The following KBTBD11 variants were observed in gnomAD, a reference collection of about 807,000 sequenced individuals.
KBTBD11 encodes kelch repeat and BTB domain-containing protein 11.
For synonymous variants in KBTBD11, 747 were observed against 499.0 expected (o/e 1.50, Z -6.63); for missense variants, 1,390 against 1,001.8 (o/e 1.39, Z -5.23).
chr8:1,983,763 T>C (rs985505449), intron 1 of KBTBD11, among the ~76,000 whole-genome samples: 1 of 152,240 alleles, frequency 6.6e-6, no homozygotes, highest in African/African-American at 2.4e-5. Flanking sequence ...CCCAATTAAT[T>C]TGGAGACTGC....
rs1346465740 is a variant in KBTBD11, at chr8:1,973,915, C to G, written c.-929C>G. 1 of 982,584 alleles carries G rather than the reference C, an allele frequency of 1.0e-6. No homozygotes were observed. Among genetic ancestry groups the G allele is most frequent in the Non-Finnish European group, 1.2e-6 (1 of 828,710 alleles). The allele number at this position is 982,584 out of a possible 1,614,324, so 60.9% of individuals were successfully genotyped here. A position where few individuals can be genotyped will look rare whatever the true frequency, so the allele number is the denominator to read the frequency against. On this transcript the variant is annotated 5_prime_UTR_variant, in exon 1 of 2. Transcript: ENST00000320248. ...TGGCTGCGCGTCCCGGGCCCGGCGG[C>G]TGAAGAGGAGCCGCGGCGAGGTAGG...
chr8:1,979,379 C>T (rs1267383319), intron 1 of KBTBD11, among the ~76,000 whole-genome samples: 1 of 152,222 alleles, frequency 6.6e-6, no homozygotes, highest in African/African-American at 2.4e-5. Flanking sequence ...CCTGTAATCC[C>T]AGCACTTTGG....
At chr8:1,981,430 A>C (rs7387163) in intron 1 of KBTBD11, among the ~76,000 whole-genome samples, 121,838 of 152,182 alleles carry the variant, frequency 0.8, 49,057 homozygotes, top group African/African-American at 0.88. Flanking sequence ...TAAATTAACT[A>C]CATCTTCAGT....
At position 2,002,006 on chromosome 8, in the gene KBTBD11, G is replaced by T. The variant is rs1397928556; in HGVS notation, c.814G>T (p.Val272Leu). Residue 272 changes from valine to leucine, a missense_variant, in exon 2 of 2, where the codon GTG (valine) becomes TTG (leucine). Val to Leu is a conservative substitution (Grantham distance 32, BLOSUM62 1). Transcript: ENST00000320248. The surrounding 1 kb of genome is among the most constrained non-coding windows in gnomAD (Gnocchi z 4.1). Reference protein sequence around the residue: ...HYLEVLREPAVFGRLSGAERD... With the variant: ...HYLEVLREPALFGRLSGAERD... ...TCTGGAGGTGCTGCGCGAGCCCGCC[G>T]TGTTCGGCCGCCTGTCGGGCGCAGA... 4 of 1,418,776 alleles carry T rather than the reference G, an allele frequency of 2.8e-6. No homozygotes were observed. In the Admixed American group the frequency reaches 6.5e-5, roughly 23 times the overall value. The allele number at this position is 1,418,776 out of a possible 1,614,324, so 87.9% of individuals were successfully genotyped here.
At chr8:1,987,725 T>TTA (rs1816751706) in intron 1 of KBTBD11, among the ~76,000 whole-genome samples, 1 of 149,252 alleles carries the variant, frequency 6.7e-6, no homozygotes, top group African/African-American at 2.5e-5. Context: ...TTTTGGAGCC[T>TTA]TTATTATTAT....
At chr8:1,977,479 C>T (rs1053325293) in intron 1 of KBTBD11, among the ~76,000 whole-genome samples, 1 of 152,080 alleles carries the variant, frequency 6.6e-6, no homozygotes, top group Admixed American at 6.6e-5. Context: ...TGCACATCCT[C>T]TCTTTGAACA....
intron 1 of KBTBD11, chr8:1,974,289 C>A (rs369667316): frequency 3.0e-6 from 3 of 983,800 alleles, no homozygotes; most frequent in Admixed American, 6.2e-5. Flanking sequence ...ACGCGGCAAC[C>A]CCGGCCGGAA....
Position 2,002,223 on chromosome 8 carries a change from C to T in KBTBD11, c.1031C>T (p.Pro344Leu). The part of the protein sequence containing the change: ...AGEWRELTRL[P>L]EGAPARGCGL... ...GAGTGGCGCGAGCTGACGCGGCTGC[C>T]CGAGGGCGCGCCGGCGCGGGGCTGC... The change falls in exon 2 of 2, where the codon CCC (proline) becomes CTC (leucine). Residue 344 changes from proline (P) to leucine (L), a missense_variant. Pro to Leu is a moderately conservative substitution (Grantham distance 98, BLOSUM62 -3). Transcript: ENST00000320248. This position sits in a 1 kb window ranked among gnomAD's most constrained non-coding sequence, Gnocchi z 4.1. 3 of 1,268,826 alleles carry T rather than the reference C, an allele frequency of 2.4e-6. No individual in the cohort carries two copies. The highest frequency in any genetic ancestry group is 5.1e-5 in the South Asian group (2 of 39,068). 78.6% of individuals were successfully genotyped at this position (1,268,826 alleles called of 1,614,324 possible).
chr8:2,003,230 C>A lies in KBTBD11; in HGVS notation c.*166C>A. ...CGCTCTCAGGGCCGCTTTCGCTTTGCTTTCCTTTTGCTTGTCTTTGCTTCT... is the reference window on the plus strand; with the variant it reads ...CGCTCTCAGGGCCGCTTTCGCTTTGATTTCCTTTTGCTTGTCTTTGCTTCT... On this transcript the variant is annotated 3_prime_UTR_variant, in exon 2 of 2. Transcript: ENST00000320248. 8.9e-7 allele frequency: 1 copy of A among 1,124,516 alleles called. No individual in the cohort carries two copies. Among genetic ancestry groups the A allele is most frequent in the Non-Finnish European group, 1.1e-6 (1 of 878,464 alleles). The allele number at this position is 1,124,516 out of a possible 1,614,324, so 69.7% of individuals were successfully genotyped here. A position where few individuals can be genotyped will look rare whatever the true frequency, so the allele number is the denominator to read the frequency against.
In KBTBD11 at chr8:1,973,782, CTGCGGGTCGGA is replaced by C; in HGVS notation, c.-1061_-1051del. ...CGCCCCCTCTGCCGCCCACGCCCCGCTGCGGGTCGGAGGAGCAGCTCCCGCTCGCAGGTGCT... is the reference window on the plus strand; with the variant it reads ...CGCCCCCTCTGCCGCCCACGCCCCGCGGAGCAGCTCCCGCTCGCAGGTGCT... On this transcript the variant is annotated 5_prime_UTR_variant, in exon 1 of 2. Coordinates refer to ENST00000320248, the MANE Select transcript of KBTBD11 (RefSeq NM_014867.3). 1 of 983,808 alleles carries C rather than the reference CTGCGGGTCGGA, an allele frequency of 1.0e-6. No individual in the cohort carries two copies. Among genetic ancestry groups the C allele is most frequent in the Non-Finnish European group, 1.2e-6 (1 of 829,352 alleles). 60.9% of individuals were successfully genotyped at this position (983,808 alleles called of 1,614,324 possible).
Position 2,003,893 on chromosome 8 carries a change from T to C in KBTBD11, c.*829T>C, listed in dbSNP as rs542011425. On this transcript the variant is annotated 3_prime_UTR_variant, in exon 2 of 2. Transcript: ENST00000320248. ...AAACTTACCAGGGTGCTTGTCTATC[T>C]AAAAAGCAATCTTTGATAGTCCACT... is the stretch of plus-strand genomic sequence containing the variant. 6 of 167,080 alleles carry C rather than the reference T, an allele frequency of 3.6e-5. No homozygotes were observed. Among genetic ancestry groups the C allele is most frequent in the African/African-American group, 1.4e-4 (6 of 41,592 alleles). 10.3% of individuals were successfully genotyped at this position (167,080 alleles called of 1,614,324 possible). A position where few individuals can be genotyped will look rare whatever the true frequency, so the allele number is the denominator to read the frequency against.
In KBTBD11 at chr8:1,989,900, A is replaced by C. The variant is rs371943163; in HGVS notation, c.-908-10385A>C. Among the ~76,000 whole-genome samples, 5 of 147,784 alleles carry C rather than the reference A, an allele frequency of 3.4e-5. No homozygotes were observed. The East Asian group carries it at 9.8e-4, about 29-fold the overall frequency. On this transcript the variant is annotated intron_variant, in intron 1 of 1. Coordinates refer to ENST00000320248, the MANE Select transcript of KBTBD11 (RefSeq NM_014867.3). ...ATTTGTGAGGGCCAGCTCACTAGGGAACAGATAACGATGTCTCAGGTGGTT... is the reference window on the plus strand; with the variant it reads ...ATTTGTGAGGGCCAGCTCACTAGGGCACAGATAACGATGTCTCAGGTGGTT...
chr8:1,991,998 G>T (rs1816936856), intron 1 of KBTBD11, among the ~76,000 whole-genome samples: 3 of 152,108 alleles, frequency 2.0e-5, no homozygotes, highest in Non-Finnish European at 4.4e-5. Flanking sequence ...GCCAGAGATG[G>T]GAGGTCATCT....
In KBTBD11 at chr8:2,001,641, G is replaced by A; in HGVS notation, c.449G>A (p.Arg150Gln). The change falls in exon 2 of 2, where the codon CGG becomes CAG. Residue 150 changes from arginine (R) to glutamine (Q), a missense_variant. Coordinates refer to ENST00000320248, the MANE Select transcript of KBTBD11 (RefSeq NM_014867.3). Reference sequence around the variant, plus strand: ...CTGGTGCTGGAGGTGTCGGGGCGCCGGCTGCGCGCGCACAAGGCGGTGCTG... The same window carrying A: ...CTGGTGCTGGAGGTGTCGGGGCGCCAGCTGCGCGCGCACAAGGCGGTGCTG... ...PDLVLEVSGR[R>Q]LRAHKAVLAA... 2.0e-6 allele frequency: 3 copies of A among 1,478,850 alleles called. No individual in the cohort carries two copies. The highest frequency in any genetic ancestry group is 2.7e-6 in the Non-Finnish European group (3 of 1,120,322). The allele number at this position is 1,478,850 out of a possible 1,614,324, so 91.6% of individuals were successfully genotyped here.
chr8:1,984,526 A>AT (rs1186554330), intron 1 of KBTBD11, among the ~76,000 whole-genome samples: 1 of 151,802 alleles, frequency 6.6e-6, no homozygotes, highest in African/African-American at 2.4e-5. Flanking sequence ...TGACCTTGCG[A>AT]TCCCCCCGCC....
intron 1 of KBTBD11, among the ~76,000 whole-genome samples, chr8:1,977,517 A>T (rs1816388977): frequency 6.6e-6 from 1 of 151,928 alleles, no homozygotes; most frequent in Non-Finnish European, 1.5e-5. Context: ...CAGAACAATG[A>T]TTTTTATTAT....
intron 1 of KBTBD11, among the ~76,000 whole-genome samples, chr8:1,985,993 T>A (rs953578670): frequency 7.9e-5 from 12 of 152,238 alleles, no homozygotes; most frequent in African/African-American, 2.9e-4. Flanking sequence ...TATGAAACTG[T>A]CTCTTCCTGC....
intron 1 of KBTBD11, among the ~76,000 whole-genome samples, chr8:1,997,112 G>A (rs1432322021): frequency 6.6e-6 from 1 of 152,082 alleles, no homozygotes; most frequent in Non-Finnish European, 1.5e-5. Flanking sequence ...CGATCACCCA[G>A]GGAAAAAATC....
At chr8:1,987,634 C>G (rs969339252) in intron 1 of KBTBD11, among the ~76,000 whole-genome samples, 3 of 152,262 alleles carry the variant, frequency 2.0e-5, no homozygotes, top group African/African-American at 7.2e-5. Flanking sequence ...TCCTGCTCCT[C>G]TCTCATGCTG....
Sources: allele counts gnomAD v4.1 joint callset (sites outside exome capture counted in the v4.1 genomes callset), GRCh38; gene constraint gnomAD v4.1.1; non-coding constraint Gnocchi (gnomAD v3.1); transcripts MANE v1.5; gene names NCBI Gene and HGNC (gene_info 2026-07-23, HGNC 2026-07-21).